CLRN1: variants seen among roughly 807,000 people sequenced by gnomAD.
The protein encoded by CLRN1 is clarin-1.
Under a neutral mutation model 18.7 loss-of-function variants are expected in CLRN1, and 15 were observed. The ratio of observed to expected loss-of-function variants is 0.80; its 90% CI spans 0.54 to 1.23. The LOEUF (loss-of-function observed/expected upper bound fraction) is 1.23. Among genes scored for constraint, CLRN1 ranks in the 50% most tolerant of loss-of-function variants. CLRN1 has a pLI of 0.00. For missense variants in CLRN1, 311 were observed against 277.5 expected (o/e 1.12, Z -0.86); for synonymous variants, 104 against 102.9 (o/e 1.01, Z -0.07).
At chr3:150,940,267 A>G (rs1713739186) in intron 2 of CLRN1, among the ~76,000 whole-genome samples, 1 of 152,266 alleles carries the variant, frequency 6.6e-6, no homozygotes, top group African/African-American at 2.4e-5. Context: ...CACTGGAGAG[A>G]TCTACATTGG....
intron 1 of CLRN1, among the ~76,000 whole-genome samples, chr3:150,958,186 T>G (rs920915339): frequency 6.6e-6 from 1 of 152,236 alleles, no homozygotes; most frequent in Non-Finnish European, 1.5e-5. Context: ...AACTTTTTCC[T>G]TCTGTATTCC....
intron 2 of CLRN1, among the ~76,000 whole-genome samples, chr3:150,936,409 G>T (rs980623576): frequency 6.6e-6 from 1 of 152,052 alleles, no homozygotes; most frequent in African/African-American, 2.4e-5. Context: ...GACTCGATGT[G>T]CCCCAAATGG....
At chr3:150,972,350 A>C in intron 1 of CLRN1, 106 bp downstream of exon 1, 1 of 1,454,308 alleles carries the variant, frequency 6.9e-7, no homozygotes, top group Non-Finnish European at 9.6e-7. Context: ...ACACCGATTT[A>C]AAAAGTCCTG....
chr3:150,926,611 C>T lies in CLRN1; in HGVS notation c.*1325G>A, dbSNP rs543584905. ...TGTTCTGATGTCTGCTGGCGAATAG[C>T]GAATTGACACCAGAGCAAGTTATTT... On this transcript the variant is annotated 3_prime_UTR_variant, in exon 3 of 3. Transcript: ENST00000327047. The T allele has an allele frequency of 3.0e-5, 21 of 705,554 alleles. No homozygotes were observed. In the East Asian group the frequency reaches 5.2e-4, roughly 18 times the overall value. 43.7% of individuals were successfully genotyped at this position (705,554 alleles called of 1,614,324 possible).
intron 1 of CLRN1, among the ~76,000 whole-genome samples, chr3:150,959,231 G>C (rs1714901304): frequency 6.6e-6 from 1 of 152,088 alleles, no homozygotes; most frequent in Non-Finnish European, 1.5e-5. Context: ...GCACATCATG[G>C]GCACTCAATA....
intron 1 of CLRN1, among the ~76,000 whole-genome samples, chr3:150,945,930 A>G (rs1417146296): frequency 6.6e-6 from 1 of 152,208 alleles, no homozygotes; most frequent in Non-Finnish European, 1.5e-5. Context: ...TATCCTATGA[A>G]TATTTTTGCA....
At chr3:150,934,429 G>A (rs935886885) in intron 2 of CLRN1, among the ~76,000 whole-genome samples, 4 of 152,182 alleles carry the variant, frequency 2.6e-5, no homozygotes, top group Non-Finnish European at 5.9e-5. Context: ...CTATATGTAA[G>A]AAAGCCTATA....
chr3:150,970,191 A>C (rs1197809803), intron 1 of CLRN1, among the ~76,000 whole-genome samples: 1 of 152,206 alleles, frequency 6.6e-6, no homozygotes, highest in East Asian at 1.9e-4. Context: ...TAGATCTTTT[A>C]TTCATTTATA....
In CLRN1 at chr3:150,926,582, G is replaced by C; in HGVS notation, c.*1354C>G. The C allele has an allele frequency of 3.2e-6, 2 of 628,034 alleles. No individual in the cohort carries two copies. The highest frequency in any genetic ancestry group is 5.8e-6 in the Non-Finnish European group (2 of 345,392). The allele number at this position is 628,034 out of a possible 1,614,324, so 38.9% of individuals were successfully genotyped here. On this transcript the variant is annotated 3_prime_UTR_variant, in exon 3 of 3. Coordinates refer to ENST00000327047, the MANE Select transcript of CLRN1 (RefSeq NM_174878.3). ...GGGAAAAACCAGCATCTGGAAACTC[G>C]GTGTGTTCTGATGTCTGCTGGCGAA...
chr3:150,940,038 A>C (rs111581418), intron 2 of CLRN1, among the ~76,000 whole-genome samples: 1 of 152,186 alleles, frequency 6.6e-6, no homozygotes, highest in African/African-American at 2.4e-5. Flanking sequence ...TGTTCTGTCT[A>C]AGTGACCAAG....
intron 1 of CLRN1, among the ~76,000 whole-genome samples, chr3:150,950,770 C>T (rs941115509): frequency 2.0e-5 from 3 of 152,096 alleles, no homozygotes; most frequent in Admixed American, 1.3e-4. Flanking sequence ...AAAAGCAGAA[C>T]GACCATTTGA....
At chr3:150,941,814 C>T (rs1475234851) in intron 1 of CLRN1, 53 bp from the exon 2 acceptor site, 16 of 1,470,092 alleles carry the variant, frequency 1.1e-5, no homozygotes, top group Non-Finnish European at 1.5e-5. Context: ...CAGTAGTCTG[C>T]AAGTATAATT....
chr3:150,945,525 A>G (rs1714115981), intron 1 of CLRN1: 9 of 1,286,982 alleles, frequency 7.0e-6, no homozygotes, highest in Non-Finnish European at 9.1e-6. Flanking sequence ...ACATATGTAC[A>G]TACATGAAAT....
At chr3:150,949,297 C>G (rs1052603076) in intron 1 of CLRN1, among the ~76,000 whole-genome samples, 1 of 152,126 alleles carries the variant, frequency 6.6e-6, no homozygotes, top group African/African-American at 2.4e-5. Context: ...AAAACTGGCA[C>G]AAGACAAGAA....
chr3:150,942,417 G>T, intron 1 of CLRN1: 2 of 197,446 alleles, frequency 1.0e-5, no homozygotes, highest in Non-Finnish European at 2.1e-5. Flanking sequence ...TACATTTTAG[G>T]GCTTCTTTCA....
At chr3:150,934,109 T>A (rs974264214) in intron 2 of CLRN1, among the ~76,000 whole-genome samples, 3 of 152,214 alleles carry the variant, frequency 2.0e-5, no homozygotes, top group Non-Finnish European at 4.4e-5. Flanking sequence ...GATGCAGATT[T>A]TTTTTCACCA....
chr3:150,956,053 C>T (rs972618186), intron 1 of CLRN1, among the ~76,000 whole-genome samples: 1 of 152,158 alleles, frequency 6.6e-6, no homozygotes. Flanking sequence ...GTCTTCATAA[C>T]TATCATTTAG....
chr3:150,945,002 C>T (rs1458441407), intron 1 of CLRN1, among the ~76,000 whole-genome samples: 1 of 152,056 alleles, frequency 6.6e-6, no homozygotes, highest in Non-Finnish European at 1.5e-5. Flanking sequence ...TTAAAGAGGA[C>T]TGGGGCTAGG....
chr3:150,969,424 T>A (rs577471164), intron 1 of CLRN1, among the ~76,000 whole-genome samples: 4 of 145,986 alleles, frequency 2.7e-5, no homozygotes, highest in Non-Finnish European at 6.0e-5. Context: ...CCTCCCGGGT[T>A]CGTGCCATTC....
Sources: gnomAD v4.1 joint callset for allele counts (sites outside exome capture counted in the v4.1 genomes callset) on GRCh38, gnomAD v4.1.1 for gene constraint, MANE v1.5 for transcripts, NCBI Gene and HGNC (gene_info 2026-07-23, HGNC 2026-07-21) for gene names.